MYH11: variants seen among roughly 807,000 people sequenced by gnomAD.
MYH11 encodes myosin heavy chain 11, also known as myosin-11.
A neutral mutation model predicts 246.6 loss-of-function variants in MYH11; 80 were observed. That is an observed-to-expected ratio of 0.32 (90% CI 0.27 to 0.39). The LOEUF (loss-of-function observed/expected upper bound fraction) is 0.39. MYH11 is among the 10% of genes least tolerant of loss of function. The probability of loss-of-function intolerance (pLI) is 1.00; values close to 1 mark genes in which losing one functional copy is unlikely to be tolerated. For synonymous variants in MYH11, 1,071 were observed against 1,015.5 expected, an observed-to-expected ratio of 1.05 and a Z score of -1.04; for missense variants, 2,158 against 2,546.8, an observed-to-expected ratio of 0.85 and a Z score of 3.29.
chr16:15,837,466 T>G (rs1283182189), intron 2 of MYH11, among the ~76,000 whole-genome samples: 2 of 151,882 alleles, frequency 1.3e-5, no homozygotes, highest in African/African-American at 2.4e-5. Flanking sequence ...AGGGCTGAGA[T>G]GTGAACCCAC....
In MYH11 at chr16:15,724,011, G is replaced by A. The variant is rs1018271879; in HGVS notation, c.4365+150C>T. On this transcript the variant is annotated intron_variant, in intron 31 of 40. Transcript: ENST00000300036. ...CTGGTAGCGTTAATGCTCCATGGTC[G>A]CCCAAGACAAGATAAGACAGCCTCC... 42 of 1,354,898 alleles carry A rather than the reference G, an allele frequency of 3.1e-5. 1 individual carries two copies. The highest frequency in any genetic ancestry group is 2.5e-4 in the African/African-American group (17 of 68,918). The allele number at this position is 1,354,898 out of a possible 1,614,324, so 83.9% of individuals were successfully genotyped here.
At chr16:15,718,876 A>C (rs1596711448) in intron 36 of MYH11, 1 of 413,684 alleles carries the variant, frequency 2.4e-6, no homozygotes, top group Non-Finnish European at 4.5e-6. Flanking sequence ...ACCTGTAATC[A>C]CAGCACTTTG....
chr16:15,759,509 C>T (rs2041816720), intron 12 of MYH11, 67 bp downstream of exon 12: 1 of 1,608,616 alleles, frequency 6.2e-7, no homozygotes, highest in Non-Finnish European at 8.5e-7. Flanking sequence ...AAAATCATGA[C>T]TCCTCCAAGA....
intron 2 of MYH11, among the ~76,000 whole-genome samples, chr16:15,831,177 A>C (rs2043726620): frequency 6.6e-6 from 1 of 152,126 alleles, no homozygotes. Flanking sequence ...ATCTCGAAAA[A>C]TAATATAAAT....
At chr16:15,836,337 T>G (rs2043891039) in intron 2 of MYH11, among the ~76,000 whole-genome samples, 1 of 152,192 alleles carries the variant, frequency 6.6e-6, no homozygotes, top group African/African-American at 2.4e-5. Flanking sequence ...AGGTGGCTAT[T>G]GACTACTTGA....
chr16:15,732,783 G>C (rs761377132), intron 26 of MYH11, 75 bp from the exon 27 acceptor site: 129 of 1,581,458 alleles, frequency 8.2e-5, no homozygotes, highest in Non-Finnish European at 1.1e-4. Flanking sequence ...AAAAGAATGA[G>C]AGCTCTTCCA....
At chr16:15,708,412 T>A (rs2039584675) in intron 40 of MYH11, among the ~76,000 whole-genome samples, 1 of 152,196 alleles carries the variant, frequency 6.6e-6, no homozygotes. Context: ...TTCAGTGCAG[T>A]GTCTTCACTG....
intron 5 of MYH11, chr16:15,786,280 C>T (rs956264622): frequency 1.7e-5 from 7 of 403,568 alleles, no homozygotes; most frequent in East Asian, 1.2e-4. Context: ...AAACATTCTA[C>T]GAGCCACAGG....
chr16:15,718,310 C>T lies in MYH11; in HGVS notation c.5295+5G>A. ...GCGTGACTGTGGTGTCCAGGCGGCC[C>T]TCACCTGCTGTGTGGCTTTGCGGAC... On this transcript the variant is annotated splice_donor_5th_base_variant and intron_variant, in intron 37 of 40. Transcript: ENST00000300036. 2 of 1,608,710 alleles carry T rather than the reference C, an allele frequency of 1.2e-6. No homozygotes were observed. The highest frequency in any genetic ancestry group is 1.7e-4 in the Middle Eastern group (1 of 5,940).
intron 40 of MYH11, among the ~76,000 whole-genome samples, chr16:15,709,950 G>A (rs1010103273): frequency 3.9e-5 from 6 of 152,124 alleles, no homozygotes; most frequent in Non-Finnish European, 7.4e-5. Flanking sequence ...GTCGAGATGC[G>A]TCTGGCTGAT....
At chr16:15,801,137 C>T (rs565339030) in intron 3 of MYH11, among the ~76,000 whole-genome samples, 4 of 152,104 alleles carry the variant, frequency 2.6e-5, no homozygotes, top group African/African-American at 7.2e-5. Flanking sequence ...ACTCAGGAGG[C>T]GGACGTTGCA....
chr16:15,837,813 G>C, intron 2 of MYH11, 95 bp downstream of exon 2: 1 of 1,171,570 alleles, frequency 8.5e-7, no homozygotes, highest in Non-Finnish European at 1.3e-6. Flanking sequence ...GGGAGTACAG[G>C]CATGAGCCAC....
chr16:15,745,340 A>T (rs752930502), intron 19 of MYH11, 103 bp from the exon 20 acceptor site: 6 of 762,360 alleles, frequency 7.9e-6, no homozygotes, highest in Non-Finnish European at 1.3e-5. Flanking sequence ...GACATGCCCC[A>T]ATCTCCCCAA....
chr16:15,768,084 G>A (rs1470279298), intron 9 of MYH11, among the ~76,000 whole-genome samples: 4 of 152,106 alleles, frequency 2.6e-5, no homozygotes, highest in Middle Eastern at 6.8e-3. Flanking sequence ...GGCTCCTGCC[G>A]ACACCCTGAT....
At chr16:15,709,788 G>C (rs986823372) in intron 40 of MYH11, among the ~76,000 whole-genome samples, 1 of 152,174 alleles carries the variant, frequency 6.6e-6, no homozygotes, top group Non-Finnish European at 1.5e-5. Context: ...ACCTGCAGCC[G>C]CCTGTCCCTT....
intron 5 of MYH11, chr16:15,785,838 T>A (rs1438711628): frequency 6.4e-6 from 1 of 156,080 alleles, no homozygotes; most frequent in Non-Finnish European, 1.4e-5. Flanking sequence ...AAGCTCTTAG[T>A]CATACCGTGT....
In MYH11 at chr16:15,813,707, G is replaced by A. The variant is rs530937763; in HGVS notation, c.502+9548C>T. On this transcript the variant is annotated intron_variant, in intron 3 of 40. Coordinates refer to ENST00000300036, the MANE Select transcript of MYH11 (RefSeq NM_002474.3). ...AGACTTTCCAAAAATACATGAACCAGTTTAGCCGGGCATGGTGGCTCATGC... is the reference window on the plus strand; with the variant it reads ...AGACTTTCCAAAAATACATGAACCAATTTAGCCGGGCATGGTGGCTCATGC... 5.3e-5 allele frequency among the ~76,000 whole-genome samples: 8 copies of A among 151,978 alleles called. No homozygotes were observed. In the South Asian group the frequency reaches 1.3e-3, roughly 24 times the overall value.
chr16:15,775,794 T>C (rs1331458501), intron 8 of MYH11: 1 of 491,070 alleles, frequency 2.0e-6, no homozygotes, highest in African/African-American at 1.9e-5. Flanking sequence ...CTAGTTGGAC[T>C]TGATGCTCTC....
intron 40 of MYH11, among the ~76,000 whole-genome samples, chr16:15,711,771 T>G (rs867448299): frequency 3.3e-5 from 5 of 152,088 alleles, no homozygotes; most frequent in African/African-American, 1.2e-4. Context: ...CAGCTCACTG[T>G]AACCTGTGTC....
Sources: gnomAD v4.1 joint callset for allele counts (sites outside exome capture counted in the v4.1 genomes callset) on GRCh38, gnomAD v4.1.1 for gene constraint, MANE v1.5 for transcripts, NCBI Gene and HGNC (gene_info 2026-07-23, HGNC 2026-07-21) for gene names.